Variants in MET observed in about 807,000 individuals in gnomAD.
The protein encoded by MET is hepatocyte growth factor receptor.
Under a neutral mutation model 133.1 loss-of-function variants are expected in MET, and 48 were observed. The observed-to-expected ratio is 0.36, with a 90% CI of 0.29 to 0.46. The LOEUF (loss-of-function observed/expected upper bound fraction) is 0.46. Among genes scored for constraint, MET ranks in the 20% least tolerant of loss-of-function variants. The probability of loss-of-function intolerance (pLI) is 1.00; values close to 1 mark genes in which losing one functional copy is unlikely to be tolerated. For synonymous variants in MET, 628 were observed against 616.5 expected (o/e 1.02, Z -0.28); for missense variants, 1,442 against 1,695.9 (o/e 0.85, Z 2.63).
At position 116,758,560 on chromosome 7, in the gene MET, T is replaced by A. The variant is rs2116931886; in HGVS notation, c.2204T>A (p.Ile735Asn). The change falls in exon 9 of 21, where the codon ATC becomes AAC. Residue 735 changes from isoleucine to asparagine, a missense_variant. Physicochemically the swap from Ile to Asn is moderately radical, Grantham distance 149 (BLOSUM62 -3). Around this residue, in one of 6 missense-constraint regions of MET, gnomAD observed 514 missense variants for 659.6 expected, o/e 0.78. Coordinates refer to ENST00000397752, the MANE Select transcript of MET (RefSeq NM_000245.4). ...GACTTAGCCAACCGAGAGACAAGCA[T>A]CTTCAGTTACCGTGAAGATCCCATT... Reference protein sequence around the residue: ...KIDLANRETSIFSYREDPIVY... With the variant: ...KIDLANRETSNFSYREDPIVY... The A allele has an allele frequency of 6.2e-7, 1 of 1,613,878 alleles. No individual in the cohort carries two copies. The highest frequency in any genetic ancestry group is 2.2e-5 in the East Asian group (1 of 44,846).
chr7:116,764,085 G>T (rs1024894550), intron 11 of MET, among the ~76,000 whole-genome samples: 4 of 152,078 alleles, frequency 2.6e-5, no homozygotes, highest in Non-Finnish European at 5.9e-5. Context: ...AAAGCAATAG[G>T]ATAGTCTTTA....
chr7:116,677,690 A>G (rs1189614710), intron 1 of MET, among the ~76,000 whole-genome samples: 1 of 152,246 alleles, frequency 6.6e-6, no homozygotes, highest in African/African-American at 2.4e-5. Context: ...TCTACAAAAT[A>G]TTTTATTTTC....
intron 1 of MET, among the ~76,000 whole-genome samples, chr7:116,693,437 C>T (rs1331307137): frequency 6.6e-6 from 1 of 152,190 alleles, no homozygotes; most frequent in Non-Finnish European, 1.5e-5. Flanking sequence ...CAGCACACAG[C>T]TGGTTCAGCA....
At chr7:116,683,985 C>T (rs528168908) in intron 1 of MET, among the ~76,000 whole-genome samples, 114 of 152,072 alleles carry the variant, frequency 7.5e-4, no homozygotes, top group African/African-American at 2.6e-3. Context: ...GTTCACAAAC[C>T]GCTCTCTCTC....
At chr7:116,771,408 T>C (rs369415260) in intron 12 of MET, 90 bp from the exon 13 acceptor site, 1 of 1,433,766 alleles carries the variant, frequency 7.0e-7, no homozygotes, top group Non-Finnish European at 9.8e-7. Context: ...TAATAACCAG[T>C]TGGTATTTGG....
At chr7:116,694,754 T>G (rs576834589) in intron 1 of MET, among the ~76,000 whole-genome samples, 18 of 152,174 alleles carry the variant, frequency 1.2e-4, no homozygotes, top group Non-Finnish European at 2.1e-4. Flanking sequence ...TGGCGCAATC[T>G]CAACTCACTG....
chr7:116,705,929 C>T (rs1382441321), intron 2 of MET, among the ~76,000 whole-genome samples: 1 of 151,978 alleles, frequency 6.6e-6, no homozygotes, highest in Non-Finnish European at 1.5e-5. Flanking sequence ...CTGGGCACAC[C>T]CTTGGGGTGT....
At chr7:116,773,274 A>C (rs1794890042) in intron 14 of MET, among the ~76,000 whole-genome samples, 1 of 152,224 alleles carries the variant, frequency 6.6e-6, no homozygotes, top group Non-Finnish European at 1.5e-5. Context: ...GCAACTGCAG[A>C]GCTTTCCTCT....
In MET at chr7:116,777,156, T is replaced by C. The variant is rs916941; in HGVS notation, c.3260-233T>C. On this transcript the variant is annotated intron_variant, in intron 15 of 20. Transcript: ENST00000397752. ...AGTCATATCATCTACAACTTATTCA[T>C]GAATTAAATAATCACATTGCTTATA... is the stretch of plus-strand genomic sequence containing the variant. Among the ~76,000 whole-genome samples the C allele has an allele frequency of 0.02, 3,085 of 152,328 alleles. 113 individuals are homozygous for C. The highest frequency in any genetic ancestry group is 0.071 in the African/African-American group (2,934 of 41,568).
intron 2 of MET, among the ~76,000 whole-genome samples, chr7:116,718,684 T>G (rs2116698062): frequency 7.4e-6 from 1 of 134,650 alleles, no homozygotes; most frequent in East Asian, 2.3e-4. Flanking sequence ...GATATTCCCC[T>G]TCCTGTGTTC....
intron 2 of MET, among the ~76,000 whole-genome samples, chr7:116,726,184 A>ACACACACACATGCATATACATATGTGTTG (rs1792778743): frequency 8.0e-5 from 6 of 74,840 alleles, no homozygotes; most frequent in African/African-American, 1.2e-4. Context: ...TATATGGGAT[A>ACACACACACATGCATATACATATGTGTTG]TAAAACAAAT....
intron 3 of MET, among the ~76,000 whole-genome samples, chr7:116,733,556 G>A (rs1423764257): frequency 7.2e-5 from 11 of 152,026 alleles, no homozygotes; most frequent in Non-Finnish European, 1.6e-4. Flanking sequence ...AATCGCCTGA[G>A]GGATATGTCA....
intron 2 of MET, among the ~76,000 whole-genome samples, chr7:116,704,862 T>C (rs1791728618): frequency 6.6e-6 from 1 of 152,144 alleles, no homozygotes; most frequent in Admixed American, 6.5e-5. Flanking sequence ...AATGCAGTTT[T>C]AGAAAAAGTC....
In MET at chr7:116,777,436, A is replaced by G. The variant is rs1347737002; in HGVS notation, c.3307A>G (p.Lys1103Glu). ...YHGTLLDNDG[K>E]KIHCAVKSLN... The stretch of plus-strand genomic sequence containing the variant: ...TGGGACTTTGTTGGACAATGATGGC[A>G]AGAAAATTCACTGTGCTGTGAAATC... The change falls in exon 16 of 21, where the codon AAG becomes GAG. Residue 1103 changes from lysine (K) to glutamate (E), a missense_variant. Around this residue, in one of 6 missense-constraint regions of MET, gnomAD observed 514 missense variants for 659.6 expected, o/e 0.78. Coordinates refer to ENST00000397752, the MANE Select transcript of MET (RefSeq NM_000245.4). 1.9e-6 allele frequency: 3 copies of G among 1,613,896 alleles called. No homozygotes were observed. Among genetic ancestry groups the G allele is most frequent in the Middle Eastern group, 1.7e-4 (1 of 6,058 alleles).
chr7:116,675,911 C>T (rs1796143912), intron 1 of MET, among the ~76,000 whole-genome samples: 1 of 152,064 alleles, frequency 6.6e-6, no homozygotes, highest in Non-Finnish European at 1.5e-5. Flanking sequence ...TCAGAAAGCC[C>T]ATTCTCAGAT....
chr7:116,673,407 C>T lies in MET; in HGVS notation c.-15+830C>T, dbSNP rs114305562. 6.9e-3 allele frequency among the ~76,000 whole-genome samples: 1,056 copies of T among 152,272 alleles called. 13 individuals carry two copies. Among genetic ancestry groups the T allele is most frequent in the African/African-American group, 0.025 (1,022 of 41,546 alleles). On this transcript the variant is annotated intron_variant, in intron 1 of 20. Coordinates refer to ENST00000397752, the MANE Select transcript of MET (RefSeq NM_000245.4). ...GCCCTCGGGCAGAATGAAATATTGT[C>T]AACTCTCTTAGGCAAAATAATCAAG...
Position 116,731,751 on chromosome 7 carries a change from C to T in MET, c.1284C>T (p.Asp428=). 1 of 1,614,126 alleles carries T rather than the reference C, an allele frequency of 6.2e-7. No individual in the cohort carries two copies. The highest frequency in any genetic ancestry group is 8.5e-7 in the Non-Finnish European group (1 of 1,179,990). The part of the protein sequence containing the change: ...TEFTTALQRV[D]LFMGQFSEVL... Reference sequence around the variant, plus strand: ...TTACCACAGCTTTGCAGCGCGTTGACTTATTCATGGGTCAATTCAGCGAAG... The same window carrying T: ...TTACCACAGCTTTGCAGCGCGTTGATTTATTCATGGGTCAATTCAGCGAAG... The change falls in exon 3 of 21, where the codon GAC becomes GAT. Residue 428 remains aspartate (D), a synonymous_variant. Coordinates refer to ENST00000397752, the MANE Select transcript of MET (RefSeq NM_000245.4).
At chr7:116,744,308 A>G (rs1447178674) in intron 5 of MET, among the ~76,000 whole-genome samples, 1 of 152,172 alleles carries the variant, frequency 6.6e-6, no homozygotes, top group East Asian at 1.9e-4. Context: ...AGCTAGAGGA[A>G]TTGCTAACTA....
intron 19 of MET, among the ~76,000 whole-genome samples, chr7:116,795,446 CTT>C (rs993334324): frequency 6.6e-6 from 1 of 152,184 alleles, no homozygotes; most frequent in African/African-American, 2.4e-5. Flanking sequence ...TTTTAGAAAA[CTT>C]TACATTTACT....
Sources: allele counts gnomAD v4.1 joint callset (sites outside exome capture counted in the v4.1 genomes callset), GRCh38; gene constraint gnomAD v4.1.1; regional missense constraint gnomAD v4.1.1; transcripts MANE v1.5; gene names NCBI Gene and HGNC (gene_info 2026-07-23, HGNC 2026-07-21).